The following RPS6KA1 variants were observed in gnomAD, a reference collection of about 807,000 sequenced individuals.
The protein encoded by RPS6KA1 is ribosomal protein S6 kinase alpha-1.
RPS6KA1 carries 48 observed loss-of-function variants against 91.3 expected under a neutral mutation model. The ratio of observed to expected loss-of-function variants is 0.53; its 90% CI spans 0.42 to 0.67. The LOEUF (loss-of-function observed/expected upper bound fraction) is 0.67. RPS6KA1 is among the 30% of genes least tolerant of loss of function. The probability of loss-of-function intolerance (pLI) is 0.00; values close to 1 mark genes in which losing one functional copy is unlikely to be tolerated. For missense variants in RPS6KA1, 719 were observed against 960.5 expected, an observed-to-expected ratio of 0.75 and a Z score of 3.32; for synonymous variants, 359 against 384.7, an observed-to-expected ratio of 0.93 and a Z score of 0.78.
At position 26,554,470 on chromosome 1, in the gene RPS6KA1, A is replaced by T. The variant is rs566221160; in HGVS notation, c.614-126A>T. On this transcript the variant is annotated intron_variant, in intron 8 of 21. Coordinates refer to ENST00000374168, the MANE Select transcript of RPS6KA1 (RefSeq NM_002953.4). The surrounding 1 kb of genome is among the most constrained non-coding windows in gnomAD (Gnocchi z 4.6). ...AAGTCACCTGACCTCTCTGGGCCTT[A>T]GCTTCCTCCTGAGTGTCATGGGGGT... 2 of 1,325,660 alleles carry T rather than the reference A, an allele frequency of 1.5e-6. No homozygotes were observed. The highest frequency in any genetic ancestry group is 2.1e-6 in the Non-Finnish European group (2 of 955,134). 82.1% of individuals were successfully genotyped at this position (1,325,660 alleles called of 1,614,324 possible).
In RPS6KA1 at chr1:26,551,709, C is replaced by A. The variant is rs375857541; in HGVS notation, c.454C>A (p.Arg152=). 3 of 1,613,842 alleles carry A rather than the reference C, an allele frequency of 1.9e-6. No homozygotes were observed. In the African/African-American group the frequency reaches 4.0e-5, roughly 22 times the overall value. ...CCTGCGTGGTGGGGACCTCTTCACC[C>A]GGCTCTCAAAAGAGGTGAGCTGACA... ...DFLRGGDLFT[R]LSKEVMFTEE... is the part of the protein sequence containing the mutation. Residue 152 remains arginine (R), a synonymous_variant, in exon 6 of 22, where the codon CGG becomes AGG. Coordinates refer to ENST00000374168, the MANE Select transcript of RPS6KA1 (RefSeq NM_002953.4). This position sits in a 1 kb window ranked among gnomAD's most constrained non-coding sequence, Gnocchi z 4.5.
intron 2 of RPS6KA1, among the ~76,000 whole-genome samples, chr1:26,545,398 G>A (rs370199958): frequency 1.2e-3 from 172 of 149,556 alleles, no homozygotes; most frequent in African/African-American, 4.2e-3. Context: ...GGATCGTCTC[G>A]ATCTCCTGAC....
chr1:26,542,299 G>T (rs2124621406), intron 2 of RPS6KA1, among the ~76,000 whole-genome samples: 1 of 152,336 alleles, frequency 6.6e-6, no homozygotes, highest in African/African-American at 2.4e-5. Context: ...GCAATGAGAG[G>T]CTTGGCTGAG....
chr1:26,561,140 T>TG lies in RPS6KA1; in HGVS notation c.1431+11dup. 1 of 1,611,228 alleles carries TG rather than the reference T, an allele frequency of 6.2e-7. No homozygotes were observed. Among genetic ancestry groups the TG allele is most frequent in the South Asian group, 1.1e-5 (1 of 91,014 alleles). On this transcript the variant is annotated splice_region_variant and intron_variant, in intron 16 of 21. Transcript: ENST00000374168. This position sits in a 1 kb window ranked among gnomAD's most constrained non-coding sequence, Gnocchi z 5.7. ...ACATCATCACTCTGAAAGATGTGAG[T>TG]GGGGGTCCTTAAGACTGGGGTGGGG...
chr1:26,564,875 T>A (rs957336782), intron 17 of RPS6KA1, among the ~76,000 whole-genome samples: 1 of 152,220 alleles, frequency 6.6e-6, no homozygotes, highest in Non-Finnish European at 1.5e-5. Flanking sequence ...ATGTTTTTCC[T>A]TTTTTCTGTT....
chr1:26,539,853 A>G (rs533168655), intron 2 of RPS6KA1, among the ~76,000 whole-genome samples: 66 of 152,158 alleles, frequency 4.3e-4, no homozygotes, highest in African/African-American at 1.5e-3. Context: ...TCCCCCAGCT[A>G]TCTCCGGAGC....
rs1420008339 is a variant in RPS6KA1, at chr1:26,558,614, C to T, written c.1085-193C>T. On this transcript the variant is annotated intron_variant, in intron 13 of 21. Transcript: ENST00000374168. This position sits in a 1 kb window ranked among gnomAD's most constrained non-coding sequence, Gnocchi z 4.0. ...AGAGTCTTTTTTGTTCCTCATGCGACAGGACTGGGCTGGTCTAATAAACAC... is the reference window on the plus strand; with the variant it reads ...AGAGTCTTTTTTGTTCCTCATGCGATAGGACTGGGCTGGTCTAATAAACAC... Among the ~76,000 whole-genome samples the T allele has an allele frequency of 6.6e-5, 10 of 152,216 alleles. No individual in the cohort carries two copies. Among genetic ancestry groups the T allele is most frequent in the Non-Finnish European group, 2.9e-5 (2 of 68,036 alleles).
At chr1:26,549,040 T>C (rs1387700549) in intron 4 of RPS6KA1, among the ~76,000 whole-genome samples, 2 of 150,836 alleles carry the variant, frequency 1.3e-5, no homozygotes, top group Non-Finnish European at 2.9e-5. Flanking sequence ...GAGGAGTACA[T>C]TGGCCAGATC....
chr1:26,560,883 T>C (rs933877696), intron 15 of RPS6KA1, 32 bp downstream of exon 15: 1 of 1,613,872 alleles, frequency 6.2e-7, no homozygotes, highest in South Asian at 1.1e-5. Context: ...CGGCCAAGGC[T>C]GCTGGGTTGG....
At chr1:26,545,848 G>GACT in intron 2 of RPS6KA1, 1 of 1,502,810 alleles carries the variant, frequency 6.7e-7, no homozygotes, top group South Asian at 1.2e-5. Flanking sequence ...CACCACTGCG[G>GACT]CAGCCCCGGA....
intron 2 of RPS6KA1, among the ~76,000 whole-genome samples, chr1:26,539,008 A>G (rs569971739): frequency 6.6e-6 from 1 of 152,336 alleles, no homozygotes; most frequent in African/African-American, 2.4e-5. Flanking sequence ...AATGAAGTCA[A>G]TATCCCCCAC....
chr1:26,555,733 T>C lies in RPS6KA1; in HGVS notation c.916+108T>C. ...GGCTGAAAGGGGCCGTTGTCCTTTG[T>C]GTGGGCAGACAATGCCGCGGGCCAC... On this transcript the variant is annotated intron_variant, in intron 11 of 21. Transcript: ENST00000374168. This position sits in a 1 kb window ranked among gnomAD's most constrained non-coding sequence, Gnocchi z 4.3. 1 of 1,124,328 alleles carries C rather than the reference T, an allele frequency of 8.9e-7. No homozygotes were observed. Among genetic ancestry groups the C allele is most frequent in the East Asian group, 2.6e-5 (1 of 38,796 alleles). The allele number at this position is 1,124,328 out of a possible 1,614,324, so 69.6% of individuals were successfully genotyped here. A position where few individuals can be genotyped will look rare whatever the true frequency, so the allele number is the denominator to read the frequency against.
chr1:26,558,375 G>A lies in RPS6KA1; in HGVS notation c.1085-432G>A, dbSNP rs1237957322. Among the ~76,000 whole-genome samples the A allele has an allele frequency of 6.6e-6, 1 of 152,138 alleles. No homozygotes were observed. The highest frequency in any genetic ancestry group is 2.4e-5 in the African/African-American group (1 of 41,416). ...AGAGAGAGGAGGTGAGGATCACAGGGCCCTCAATTGCCAGACTCAGGAGCT... is the reference window on the plus strand; with the variant it reads ...AGAGAGAGGAGGTGAGGATCACAGGACCCTCAATTGCCAGACTCAGGAGCT... On this transcript the variant is annotated intron_variant, in intron 13 of 21. Transcript: ENST00000374168. This position sits in a 1 kb window ranked among gnomAD's most constrained non-coding sequence, Gnocchi z 4.0.
chr1:26,561,186 G>T lies in RPS6KA1; in HGVS notation c.1431+52G>T. 6.7e-7 allele frequency: 1 copy of T among 1,498,828 alleles called. No individual in the cohort carries two copies. Among genetic ancestry groups the T allele is most frequent in the Non-Finnish European group, 9.3e-7 (1 of 1,077,406 alleles). The allele number at this position is 1,498,828 out of a possible 1,614,324, so 92.8% of individuals were successfully genotyped here. ...TGGGGACCAGGAACTCAACTCTCAG[G>T]ATTTGTCTCAGGATTGCCATTCCTT... On this transcript the variant is annotated intron_variant, in intron 16 of 21. Coordinates refer to ENST00000374168, the MANE Select transcript of RPS6KA1 (RefSeq NM_002953.4). This position sits in a 1 kb window ranked among gnomAD's most constrained non-coding sequence, Gnocchi z 5.7.
Position 26,545,139 on chromosome 1 carries a change from G to A in RPS6KA1, c.109-1728G>A, listed in dbSNP as rs2075981418. On this transcript the variant is annotated intron_variant, in intron 2 of 21. Transcript: ENST00000374168. ...GCCTGTTGGGTATGTGTTCTCTCCT[G>A]CCCCTGCCTGTTGGATGCCATTCTT... is the stretch of plus-strand genomic sequence containing the variant. Among the ~76,000 whole-genome samples, 7 of 151,284 alleles carry A rather than the reference G, an allele frequency of 4.6e-5. No homozygotes were observed. The South Asian group carries it at 1.5e-3, about 32-fold the overall frequency.
chr1:26,554,137 C>A lies in RPS6KA1; in HGVS notation c.576-77C>A. On this transcript the variant is annotated intron_variant, in intron 7 of 21. Coordinates refer to ENST00000374168, the MANE Select transcript of RPS6KA1 (RefSeq NM_002953.4). This position sits in a 1 kb window ranked among gnomAD's most constrained non-coding sequence, Gnocchi z 4.6. ...AGCACCTCCTCTGGGCTGAACCCAA[C>A]TCCCACAGCCCTGTGGTAACACCAT... 5 of 1,477,018 alleles carry A rather than the reference C, an allele frequency of 3.4e-6. No individual in the cohort carries two copies. In the South Asian group the frequency reaches 5.1e-5, roughly 15 times the overall value. The allele number at this position is 1,477,018 out of a possible 1,614,324, so 91.5% of individuals were successfully genotyped here.
chr1:26,573,403 C>T (rs1434814761), intron 21 of RPS6KA1, 42 bp downstream of exon 21: 2 of 1,611,920 alleles, frequency 1.2e-6, no homozygotes, highest in Non-Finnish European at 1.7e-6. Flanking sequence ...GGGGGTCAGC[C>T]CAAGGTGGCA....
chr1:26,550,521 G>C (rs1295322806), intron 4 of RPS6KA1, among the ~76,000 whole-genome samples: 1 of 151,936 alleles, frequency 6.6e-6, no homozygotes, highest in Non-Finnish European at 1.5e-5. Flanking sequence ...GTTTCACCAT[G>C]TTGGCCAGGC....
rs1363635798 is a variant in RPS6KA1, at chr1:26,554,538, G to C, written c.614-58G>C. On this transcript the variant is annotated intron_variant, in intron 8 of 21. Coordinates refer to ENST00000374168, the MANE Select transcript of RPS6KA1 (RefSeq NM_002953.4). The surrounding 1 kb of genome is among the most constrained non-coding windows in gnomAD (Gnocchi z 4.6). ...GGGCACGGGGGTTGGGTGTGCAAAG[G>C]GTGGCAGCAAGGAAGGCAGGGGTCC... 3.2e-6 allele frequency: 5 copies of C among 1,562,254 alleles called. No individual in the cohort carries two copies. In the East Asian group the frequency reaches 9.1e-5, roughly 28 times the overall value.
Sources: gnomAD v4.1 joint callset for allele counts (sites outside exome capture counted in the v4.1 genomes callset) on GRCh38, gnomAD v4.1.1 for gene constraint, Gnocchi (gnomAD v3.1) non-coding constraint, MANE v1.5 for transcripts, NCBI Gene and HGNC (gene_info 2026-07-23, HGNC 2026-07-21) for gene names.